Variants in ZNF804B observed in about 807,000 individuals in gnomAD.
ZNF804B encodes zinc finger 804B.
ZNF804B carries 80 observed loss-of-function variants against 101.4 expected under a neutral mutation model. That is an observed-to-expected ratio of 0.79 (90% CI 0.66 to 0.95). The LOEUF (loss-of-function observed/expected upper bound fraction) is 0.95, where lower values mean the gene tolerates loss of function less well. Among genes scored for constraint, ZNF804B ranks in the 40% least tolerant of loss-of-function variants. The pLI, the probability that ZNF804B is intolerant of heterozygous loss-of-function variation, is 0.00. For missense variants in ZNF804B, 1,673 were observed against 1,561.9 expected (o/e 1.07, Z -1.20); for synonymous variants, 622 against 558.8 (o/e 1.11, Z -1.59).
chr7:89,120,131 G>T (rs1014948805), intron 1 of ZNF804B, among the ~76,000 whole-genome samples: 1 of 151,894 alleles, frequency 6.6e-6, no homozygotes, highest in African/African-American at 2.4e-5. Flanking sequence ...TAAAAATGAA[G>T]ACTTAAAACT....
intron 1 of ZNF804B, among the ~76,000 whole-genome samples, chr7:88,852,665 G>T (rs892989430): frequency 1.3e-5 from 2 of 152,106 alleles, no homozygotes; most frequent in African/African-American, 4.8e-5. Context: ...GTTCCATTAT[G>T]ATTTAAGCAG....
intron 1 of ZNF804B, among the ~76,000 whole-genome samples, chr7:88,817,863 A>T (rs924724910): frequency 5.3e-5 from 8 of 152,146 alleles, no homozygotes; most frequent in Admixed American, 6.5e-5. Flanking sequence ...GGAACACTGA[A>T]ATTACTGGTG....
At chr7:88,888,094 A>T (rs1156995821) in intron 1 of ZNF804B, among the ~76,000 whole-genome samples, 1 of 152,148 alleles carries the variant, frequency 6.6e-6, no homozygotes, top group Non-Finnish European at 1.5e-5. Flanking sequence ...TGATAATTTT[A>T]AAAATTTAGT....
intron 1 of ZNF804B, among the ~76,000 whole-genome samples, chr7:89,174,017 G>T (rs1214414985): frequency 2.0e-5 from 3 of 151,962 alleles, no homozygotes; most frequent in Non-Finnish European, 1.5e-5. Flanking sequence ...GGCATTCAAT[G>T]TGTAGTAATT....
At chr7:89,167,541 G>C (rs1452208244) in intron 1 of ZNF804B, among the ~76,000 whole-genome samples, 6 of 152,090 alleles carry the variant, frequency 3.9e-5, no homozygotes, top group Non-Finnish European at 7.4e-5. Context: ...TTTGAACAAA[G>C]CAACCAATTC....
rs1475416608 is a variant in ZNF804B at position 89,171,285 on chromosome 7, GCTGCTT to G, written c.109-46867_109-46862del. On this transcript the variant is annotated intron_variant, in intron 1 of 3. Transcript: ENST00000333190. ...TGAAGTAGGCACAAATAATGCTGCT[GCTGCTT>G]CTTCTTCTTCTTCTTCTTCTTCTTC... Among the ~76,000 whole-genome samples, 584 of 64,500 alleles carry G rather than the reference GCTGCTT, an allele frequency of 9.1e-3. 6 individuals carry two copies. Among genetic ancestry groups the G allele is most frequent in the African/African-American group, 0.026 (497 of 18,884 alleles). 42.3% of individuals were successfully genotyped at this position (64,500 alleles called of 152,430 possible).
chr7:89,279,592 T>C (rs1790047895), intron 2 of ZNF804B, among the ~76,000 whole-genome samples: 1 of 152,214 alleles, frequency 6.6e-6, no homozygotes, highest in Non-Finnish European at 1.5e-5. Context: ...AGGCCTTTTC[T>C]GCATCTATTG....
chr7:89,298,247 T>TATATATATATATATATAC (rs1790419580), intron 2 of ZNF804B, among the ~76,000 whole-genome samples: 1 of 120,786 alleles, frequency 8.3e-6, no homozygotes, highest in African/African-American at 3.1e-5. Context: ...TATATATATA[T>TATATATATATATATATAC]ATATATATAT....
chr7:88,809,159 T>C (rs1379276748), intron 1 of ZNF804B, among the ~76,000 whole-genome samples: 2 of 151,958 alleles, frequency 1.3e-5, no homozygotes, highest in African/African-American at 4.8e-5. Flanking sequence ...CCTTACTAAG[T>C]AACAGGTTAG....
At chr7:89,127,748 T>C (rs1386077361) in intron 1 of ZNF804B, among the ~76,000 whole-genome samples, 1 of 151,558 alleles carries the variant, frequency 6.6e-6, no homozygotes, top group East Asian at 1.9e-4. Flanking sequence ...TTTAATATTT[T>C]TCAAAATAAA....
intron 1 of ZNF804B, among the ~76,000 whole-genome samples, chr7:88,944,315 C>T (rs1793095359): frequency 6.6e-6 from 1 of 151,710 alleles, no homozygotes; most frequent in Non-Finnish European, 1.5e-5. Flanking sequence ...GTAAAGGTAT[C>T]ACAGTGCAAT....
intron 2 of ZNF804B, among the ~76,000 whole-genome samples, chr7:89,263,975 C>G (rs371765028): frequency 6.6e-6 from 1 of 152,174 alleles, no homozygotes; most frequent in Non-Finnish European, 1.5e-5. Context: ...ATAAAGGTAT[C>G]TTCTTCTATT....
chr7:88,809,304 C>CATCTATCT (rs58545685), intron 1 of ZNF804B, among the ~76,000 whole-genome samples: 28 of 148,146 alleles, frequency 1.9e-4, no homozygotes, highest in South Asian at 2.2e-4. Context: ...TATTGCTTGT[C>CATCTATCT]ATCTATCTAT....
At chr7:89,146,863 C>T (rs1396562518) in intron 1 of ZNF804B, among the ~76,000 whole-genome samples, 3 of 151,350 alleles carry the variant, frequency 2.0e-5, no homozygotes, top group Non-Finnish European at 4.4e-5. Flanking sequence ...CCTGTCTCTA[C>T]AAAAAATAAC....
At chr7:89,217,102 T>C (rs1451994368) in intron 1 of ZNF804B, among the ~76,000 whole-genome samples, 2 of 152,216 alleles carry the variant, frequency 1.3e-5, no homozygotes, top group Non-Finnish European at 1.5e-5. Context: ...TAAAATAGCT[T>C]CTTCCCTCAA....
intron 1 of ZNF804B, among the ~76,000 whole-genome samples, chr7:88,853,955 T>A (rs1791486143): frequency 6.6e-6 from 1 of 152,120 alleles, no homozygotes; most frequent in South Asian, 2.1e-4. Context: ...AAAATTAGAT[T>A]TAGCACATTG....
rs146317512 is a variant in ZNF804B, at chr7:89,204,736, A to G, written c.109-13419A>G. On this transcript the variant is annotated intron_variant, in intron 1 of 3. Coordinates refer to ENST00000333190, the MANE Select transcript of ZNF804B (RefSeq NM_181646.5). ...TACCATACATTGTTTTCTGAGTTCA[A>G]TGAAGGTAGGACTATTAAAATGTGA... Among the ~76,000 whole-genome samples, 73 of 152,326 alleles carry G rather than the reference A, an allele frequency of 4.8e-4. 1 individual carries two copies. Among genetic ancestry groups the G allele is most frequent in the African/African-American group, 1.8e-3 (73 of 41,568 alleles).
At chr7:89,252,927 A>T (rs1463090687) in intron 2 of ZNF804B, among the ~76,000 whole-genome samples, 1 of 152,192 alleles carries the variant, frequency 6.6e-6, no homozygotes, top group Non-Finnish European at 1.5e-5. Flanking sequence ...TACTATGCTC[A>T]GTAACTGGGT....
intron 1 of ZNF804B, among the ~76,000 whole-genome samples, chr7:88,973,046 C>A (rs2116115633): frequency 6.6e-6 from 1 of 151,176 alleles, no homozygotes; most frequent in Admixed American, 6.6e-5. Flanking sequence ...TAAGAGATTG[C>A]TAATGCAAGT....
Sources: allele counts gnomAD v4.1 joint callset (sites outside exome capture counted in the v4.1 genomes callset), GRCh38; gene constraint gnomAD v4.1.1; transcripts MANE v1.5; gene names NCBI Gene and HGNC (gene_info 2026-07-23, HGNC 2026-07-21).